Variants in BORA observed in about 807,000 individuals in gnomAD.
BORA encodes the protein protein aurora borealis.
Under a neutral mutation model 55.8 loss-of-function variants are expected in BORA, and 26 were observed. The observed-to-expected ratio is 0.47, with a 90% confidence interval of 0.34 to 0.65. The LOEUF is 0.65. Ranked by LOEUF, BORA falls within the 30% of genes least tolerant of loss-of-function variation. The probability of loss-of-function intolerance (pLI) is 0.01; values close to 1 mark genes in which losing one functional copy is unlikely to be tolerated. For synonymous variants in BORA, 201 were observed against 216.9 expected, an observed-to-expected ratio of 0.93 and a Z score of 0.64; for missense variants, 568 against 671.5, an observed-to-expected ratio of 0.85 and a Z score of 1.70.
At chr13:72,753,886 A>G in intron 11 of BORA, 65 bp downstream of exon 11, 1 of 1,437,212 alleles carries the variant, frequency 7.0e-7, no homozygotes, top group Non-Finnish European at 9.5e-7. Flanking sequence ...AATTTTGATT[A>G]TTAGACAATA....
intron 4 of BORA, among the ~76,000 whole-genome samples, chr13:72,737,531 G>T (rs1260979427): frequency 6.6e-6 from 1 of 151,928 alleles, no homozygotes; most frequent in South Asian, 2.1e-4. Context: ...TTAACAACTG[G>T]TGCACAGAAT....
rs567522815 is a variant in BORA at position 72,728,028 on chromosome 13, C to G, written c.-16+21C>G. On this transcript the variant is annotated intron_variant, in intron 1 of 11. Coordinates refer to ENST00000390667, the MANE Select transcript of BORA (RefSeq NM_024808.5). ...CACCGGTAGGTACGCTCTTTGTGGT[C>G]CCTGGCCTTTCCTCCTGTCTGAATG... The G allele has an allele frequency of 7.7e-6, 12 of 1,550,510 alleles. No individual in the cohort carries two copies. In the African/African-American group the frequency reaches 1.6e-4, roughly 21 times the overall value.
intron 8 of BORA, 117 bp from the exon 9 acceptor site, chr13:72,745,827 T>A: frequency 1.2e-6 from 1 of 809,470 alleles, no homozygotes. Context: ...TTTTGGTGGT[T>A]CTCGTGAACT....
In BORA at chr13:72,755,314, A is replaced by G; in HGVS notation, c.*98A>G. On this transcript the variant is annotated 3_prime_UTR_variant, in exon 12 of 12. Coordinates refer to ENST00000390667, the MANE Select transcript of BORA (RefSeq NM_024808.5). ...ATGGTGACTGGGAAAAAATTACTTC[A>G]AGTAACATGCTTAGCTTTCCCTCCT... 1 of 996,892 alleles carries G rather than the reference A, an allele frequency of 1.0e-6. No homozygotes were observed. The highest frequency in any genetic ancestry group is 2.6e-5 in the East Asian group (1 of 39,144). 61.8% of individuals were successfully genotyped at this position (996,892 alleles called of 1,614,324 possible). A position where few individuals can be genotyped will look rare whatever the true frequency, so the allele number is the denominator to read the frequency against.
In BORA at chr13:72,746,891, T is replaced by G; in HGVS notation, c.1262T>G (p.Leu421Trp). 3.1e-6 allele frequency: 5 copies of G among 1,614,162 alleles called. No individual in the cohort carries two copies. Among genetic ancestry groups the G allele is most frequent in the Non-Finnish European group, 4.2e-6 (5 of 1,180,008 alleles). Residue 421 changes from leucine to tryptophan, a missense_variant, in exon 10 of 12, where the codon TTG becomes TGG. Transcript: ENST00000390667. The part of the protein sequence containing the change: ...SSASEKELAL[L>W]QDVEREKDNN... The stretch of plus-strand genomic sequence containing the variant: ...GCTTCTGAGAAAGAATTAGCACTGT[T>G]GCAGGATGTTGAAAGGGAGAAAGAC...
At chr13:72,742,765 T>TACACAC (rs1198007155) in intron 5 of BORA, among the ~76,000 whole-genome samples, 1 of 53,932 alleles carries the variant, frequency 1.9e-5, no homozygotes, top group African/African-American at 4.4e-5. Context: ...TATATATATA[T>TACACAC]ATACACACAC....
intron 1 of BORA, 44 bp downstream of exon 1, chr13:72,728,051 A>G: frequency 1.3e-6 from 2 of 1,549,968 alleles, no homozygotes; most frequent in Non-Finnish European, 1.7e-6. Flanking sequence ...TCCTGTCTGA[A>G]TGGAGAGGTT....
At chr13:72,747,793 A>G (rs1254207760) in intron 10 of BORA, among the ~76,000 whole-genome samples, 2 of 152,124 alleles carry the variant, frequency 1.3e-5, no homozygotes, top group African/African-American at 4.8e-5. Context: ...TCAGCCTCCC[A>G]AAGTGCTGGG....
chr13:72,743,701 A>C, intron 6 of BORA, 99 bp downstream of exon 6: 1 of 846,622 alleles, frequency 1.2e-6, no homozygotes, highest in Admixed American at 3.5e-5. Context: ...TGGAATTGAA[A>C]TTGTTTCCTT....
chr13:72,744,406 G>C (rs1351966870), intron 6 of BORA, 99 bp from the exon 7 acceptor site: 1 of 951,970 alleles, frequency 1.1e-6, no homozygotes, highest in Non-Finnish European at 1.6e-6. Flanking sequence ...AACATCACGG[G>C]GAGATGATTG....
chr13:72,735,384 G>A (rs969579744), intron 4 of BORA, among the ~76,000 whole-genome samples: 1 of 152,198 alleles, frequency 6.6e-6, no homozygotes, highest in East Asian at 1.9e-4. Flanking sequence ...AGAGGAAGTC[G>A]AATATTCTCA....
chr13:72,755,251 A>C lies in BORA; in HGVS notation c.*35A>C, dbSNP rs2033425570. ...GTCAGAATCAAAGACTAAGCTTAAG[A>C]GTTCCTCGCATATATCGTTGTGCAC... On this transcript the variant is annotated 3_prime_UTR_variant, in exon 12 of 12. Transcript: ENST00000390667. The C allele has an allele frequency of 6.5e-7, 1 of 1,540,432 alleles. No homozygotes were observed. Among genetic ancestry groups the C allele is most frequent in the Admixed American group, 1.7e-5 (1 of 59,854 alleles).
At chr13:72,731,959 T>C (rs1395918697) in intron 3 of BORA, among the ~76,000 whole-genome samples, 2 of 152,226 alleles carry the variant, frequency 1.3e-5, no homozygotes, top group Admixed American at 1.3e-4. Flanking sequence ...GTTGATGTGT[T>C]GTTTAGGTTT....
intron 2 of BORA, among the ~76,000 whole-genome samples, chr13:72,730,344 A>C (rs182943586): frequency 6.6e-6 from 1 of 152,354 alleles, no homozygotes; most frequent in East Asian, 1.9e-4. Flanking sequence ...CTTACTAAAA[A>C]TAAATAATAG....
chr13:72,735,043 G>T, intron 4 of BORA, 38 bp downstream of exon 4: 1 of 1,475,852 alleles, frequency 6.8e-7, no homozygotes, highest in South Asian at 1.2e-5. Flanking sequence ...ATCAGTTAAG[G>T]ATCAATTCTG....
chr13:72,728,099 C>G, intron 1 of BORA, 92 bp downstream of exon 1: 1 of 1,500,718 alleles, frequency 6.7e-7, no homozygotes, highest in Non-Finnish European at 9.1e-7. Context: ...CCGCTCGCCC[C>G]TGGTGAATGG....
At chr13:72,730,095 C>T (rs189676589) in intron 2 of BORA, among the ~76,000 whole-genome samples, 49 of 152,036 alleles carry the variant, frequency 3.2e-4, no homozygotes, top group Middle Eastern at 3.4e-3. Flanking sequence ...ATGCCCGGGC[C>T]ACTTTATCTT....
rs746816240 is a variant in BORA at position 72,755,166 on chromosome 13, CAGAGGTGTTGGATG to C, written c.1632_1645del (p.Arg545AsnfsTer55). On this transcript the variant is annotated frameshift_variant, in exon 12 of 12. Coordinates refer to ENST00000390667, the MANE Select transcript of BORA (RefSeq NM_024808.5). LOFTEE classifies it high-confidence loss of function. Reference sequence around the variant, plus strand: ...TTTTTCACAGCAAGACCACACAACACAGAGGTGTTGGATGAAAACAGCAAGCCCTTTTCAATGCA... The same window carrying C: ...TTTTTCACAGCAAGACCACACAACACAAAACAGCAAGCCCTTTTCAATGCA... 17 of 1,613,722 alleles carry C rather than the reference CAGAGGTGTTGGATG, an allele frequency of 1.1e-5. No homozygotes were observed. The highest frequency in any genetic ancestry group is 1.4e-5 in the Non-Finnish European group (16 of 1,179,890).
intron 4 of BORA, among the ~76,000 whole-genome samples, chr13:72,737,315 T>G (rs1185667640): frequency 6.6e-6 from 1 of 152,166 alleles, no homozygotes; most frequent in Non-Finnish European, 1.5e-5. Flanking sequence ...TGATGTGACA[T>G]CACTGAATGG....
Sources: allele counts gnomAD v4.1 joint callset (sites outside exome capture counted in the v4.1 genomes callset), GRCh38; gene constraint gnomAD v4.1.1; transcripts MANE v1.5; gene names NCBI Gene and HGNC (gene_info 2026-07-23, HGNC 2026-07-21).